Variants in IMMP2L observed in about 807,000 individuals in gnomAD.
IMMP2L encodes inner mitochondrial membrane peptidase subunit 2, also known as mitochondrial inner membrane protease subunit 2.
In IMMP2L, 18 loss-of-function variants were observed where a neutral mutation model predicts 19.3. The ratio of observed to expected loss-of-function variants is 0.93; its 90% CI spans 0.64 to 1.38. The LOEUF (loss-of-function observed/expected upper bound fraction) is 1.38. Among genes scored for constraint, IMMP2L ranks in the 40% most tolerant of loss-of-function variants. The pLI, the probability that IMMP2L is intolerant of heterozygous loss-of-function variation, is 0.00. For missense variants in IMMP2L, 233 were observed against 218.2 expected (o/e 1.07, Z -0.43); for synonymous variants, 76 against 73.0 (o/e 1.04, Z -0.21).
At chr7:111,337,225 T>C (rs944991725) in intron 3 of IMMP2L, among the ~76,000 whole-genome samples, 1 of 152,054 alleles carries the variant, frequency 6.6e-6, no homozygotes, top group Non-Finnish European at 1.5e-5. Context: ...CAGAGAATTA[T>C]AAAAAGTAAT....
chr7:110,699,123 T>C (rs762358626), intron 5 of IMMP2L, among the ~76,000 whole-genome samples: 4 of 152,018 alleles, frequency 2.6e-5, no homozygotes, highest in Non-Finnish European at 5.9e-5. Flanking sequence ...AAAAGTGTTA[T>C]TCTTCCCCAT....
At chr7:111,437,182 G>A (rs1199776771) in intron 3 of IMMP2L, among the ~76,000 whole-genome samples, 4 of 151,540 alleles carry the variant, frequency 2.6e-5, no homozygotes, top group South Asian at 2.1e-4. Flanking sequence ...ACGGTGGCTC[G>A]TGCCTGTAAT....
chr7:111,010,527 G>C (rs552840570), intron 3 of IMMP2L, among the ~76,000 whole-genome samples: 1 of 152,204 alleles, frequency 6.6e-6, no homozygotes. Context: ...TAAAACTATG[G>C]AGATTTTATA....
chr7:110,732,652 T>A (rs1032533567), intron 5 of IMMP2L, among the ~76,000 whole-genome samples: 2 of 152,198 alleles, frequency 1.3e-5, no homozygotes, highest in African/African-American at 4.8e-5. Flanking sequence ...CTGGTTTTTT[T>A]AGGAAAATGT....
At chr7:110,693,498 G>A (rs1195975070) in intron 5 of IMMP2L, among the ~76,000 whole-genome samples, 1 of 152,126 alleles carries the variant, frequency 6.6e-6, no homozygotes, top group South Asian at 2.1e-4. Flanking sequence ...TACTCACTAG[G>A]CTATGAAACT....
intron 5 of IMMP2L, among the ~76,000 whole-genome samples, chr7:110,828,229 T>C (rs1190251975): frequency 6.6e-6 from 1 of 152,164 alleles, no homozygotes; most frequent in Non-Finnish European, 1.5e-5. Context: ...GGGCATGCTG[T>C]GTTCCAAAAA....
intron 5 of IMMP2L, among the ~76,000 whole-genome samples, chr7:110,873,429 CAAAAAAAAAAAA>C (rs60827428): frequency 0.022 from 634 of 28,962 alleles, 13 homozygotes; most frequent in African/African-American, 0.057. Context: ...GACTCTATCT[CAAAAAAAAAAAA>C]AAAAAAAAAA....
intron 3 of IMMP2L, among the ~76,000 whole-genome samples, chr7:111,319,396 A>G (rs1431400739): frequency 6.6e-6 from 1 of 152,124 alleles, no homozygotes; most frequent in East Asian, 1.9e-4. Context: ...CAAATATAAT[A>G]TAATGTTATT....
chr7:111,029,531 T>G (rs992848290), intron 3 of IMMP2L, among the ~76,000 whole-genome samples: 10 of 152,190 alleles, frequency 6.6e-5, no homozygotes, highest in African/African-American at 2.4e-4. Context: ...TTTCAAAGAT[T>G]TGTTTTAACC....
intron 3 of IMMP2L, among the ~76,000 whole-genome samples, chr7:111,335,350 C>T (rs958287863): frequency 6.6e-6 from 1 of 151,782 alleles, no homozygotes; most frequent in African/African-American, 2.4e-5. Context: ...GTCAGCCAGA[C>T]AACATGAAAT....
At chr7:111,479,345 T>A (rs530943119) in intron 3 of IMMP2L, among the ~76,000 whole-genome samples, 1 of 152,194 alleles carries the variant, frequency 6.6e-6, no homozygotes, top group African/African-American at 2.4e-5. Context: ...TAATCCAGTT[T>A]TTTTCATTAT....
chr7:110,662,830 G>C lies in IMMP2L; in HGVS notation c.*772C>G, dbSNP rs553046670. Among the ~76,000 whole-genome samples the C allele has an allele frequency of 2.4e-4, 36 of 152,272 alleles. No homozygotes were observed. The highest frequency in any genetic ancestry group is 5.0e-4 in the Non-Finnish European group (34 of 68,026). ...TTCACTCAGAACTTTTAAACACATAGTATGACTAAATGCGGATAAAGGGGT... is the reference window on the plus strand; with the variant it reads ...TTCACTCAGAACTTTTAAACACATACTATGACTAAATGCGGATAAAGGGGT... On this transcript the variant is annotated 3_prime_UTR_variant, in exon 6 of 6. Transcript: ENST00000405709.
chr7:110,784,255 A>C (rs1184974858), intron 5 of IMMP2L, among the ~76,000 whole-genome samples: 1 of 151,910 alleles, frequency 6.6e-6, no homozygotes, highest in African/African-American at 2.4e-5. Flanking sequence ...TTTACTTTTA[A>C]TGCATCTGTC....
chr7:110,694,886 T>TA (rs148495741), intron 5 of IMMP2L, among the ~76,000 whole-genome samples: 2 of 151,872 alleles, frequency 1.3e-5, no homozygotes, highest in Non-Finnish European at 2.9e-5. Context: ...TATTCATCTA[T>TA]AAAAAAAATG....
chr7:110,750,858 C>G (rs1797674242), intron 5 of IMMP2L, among the ~76,000 whole-genome samples: 1 of 151,802 alleles, frequency 6.6e-6, no homozygotes, highest in South Asian at 2.1e-4. Context: ...CCTTAGTAAT[C>G]CAAACAAACA....
chr7:110,668,223 T>C (rs79362905), intron 5 of IMMP2L, among the ~76,000 whole-genome samples: 3,418 of 152,286 alleles, frequency 0.022, 131 homozygotes, highest in African/African-American at 0.078. Context: ...GTAAACCTAA[T>C]CAACCTTAAA....
chr7:111,370,985 C>CA (rs1224350674), intron 3 of IMMP2L, among the ~76,000 whole-genome samples: 5 of 151,866 alleles, frequency 3.3e-5, no homozygotes, highest in African/African-American at 1.2e-4. Context: ...TATATATCAT[C>CA]ACTGTTTGAA....
intron 3 of IMMP2L, among the ~76,000 whole-genome samples, chr7:111,137,907 C>G (rs1470900820): frequency 6.6e-6 from 1 of 152,214 alleles, no homozygotes; most frequent in African/African-American, 2.4e-5. Flanking sequence ...TCCCTGCAAC[C>G]TCTGCTTCCC....
At chr7:111,431,982 A>G (rs1372728646) in intron 3 of IMMP2L, among the ~76,000 whole-genome samples, 2 of 151,864 alleles carry the variant, frequency 1.3e-5, no homozygotes, top group African/African-American at 4.9e-5. Context: ...TCAGAAATTC[A>G]TATTTGGTAA....
Sources: allele counts gnomAD v4.1 joint callset (sites outside exome capture counted in the v4.1 genomes callset), GRCh38; gene constraint gnomAD v4.1.1; transcripts MANE v1.5; gene names NCBI Gene and HGNC (gene_info 2026-07-23, HGNC 2026-07-21).